Variants in DENND1A observed in about 807,000 individuals in gnomAD.
DENND1A encodes the protein DENN domain-containing protein 1A.
Under a neutral mutation model 113.7 loss-of-function variants are expected in DENND1A, and 51 were observed. The ratio of observed to expected loss-of-function variants is 0.45; its 90% CI spans 0.36 to 0.57. DENND1A has a LOEUF of 0.57. DENND1A is among the 20% of genes least tolerant of loss of function. The pLI is 0.00. For synonymous variants in DENND1A, 565 were observed against 570.8 expected (o/e 0.99, Z 0.14); for missense variants, 1,258 against 1,395.9 (o/e 0.90, Z 1.57).
At chr9:123,685,253 A>T (rs1381925562) in intron 5 of DENND1A, among the ~76,000 whole-genome samples, 2 of 152,198 alleles carry the variant, frequency 1.3e-5, no homozygotes, top group Non-Finnish European at 2.9e-5. Flanking sequence ...AGAGAAAAAC[A>T]CAATCCTCTT....
intron 13 of DENND1A, among the ~76,000 whole-genome samples, chr9:123,478,744 A>G (rs973645055): frequency 3.9e-5 from 6 of 152,234 alleles, no homozygotes; most frequent in Admixed American, 3.9e-4. Flanking sequence ...GCAGGTATTC[A>G]CCATAAAATT....
At chr9:123,481,254 G>A (rs969233738) in intron 13 of DENND1A, among the ~76,000 whole-genome samples, 2 of 152,236 alleles carry the variant, frequency 1.3e-5, no homozygotes, top group African/African-American at 2.4e-5. Context: ...GCTAAAATAT[G>A]CATGTGTGAG....
intron 4 of DENND1A, among the ~76,000 whole-genome samples, chr9:123,768,545 T>C (rs1396383207): frequency 2.0e-5 from 3 of 152,154 alleles, no homozygotes; most frequent in East Asian, 1.9e-4. Flanking sequence ...GACCATATTA[T>C]GGCATTTCTT....
At chr9:123,771,878 AG>A (rs570386188) in intron 3 of DENND1A, among the ~76,000 whole-genome samples, 400 of 151,816 alleles carry the variant, frequency 2.6e-3, no homozygotes, top group African/African-American at 9.4e-3. Context: ...GGGGGAGGGG[AG>A]GGGGAAAGGG....
At chr9:123,641,364 A>G in intron 9 of DENND1A, among the ~76,000 whole-genome samples, 1 of 151,432 alleles carries the variant, frequency 6.6e-6, no homozygotes, top group South Asian at 2.1e-4. Context: ...AATTTATTTC[A>G]TGACTTGACC....
chr9:123,660,250 T>C (rs2063163871), intron 8 of DENND1A, among the ~76,000 whole-genome samples: 3 of 152,300 alleles, frequency 2.0e-5, no homozygotes, highest in African/African-American at 4.8e-5. Context: ...GTCTGGCAGA[T>C]TGGTATCACC....
intron 2 of DENND1A, among the ~76,000 whole-genome samples, chr9:123,813,093 G>A (rs1266029509): frequency 2.0e-5 from 3 of 152,042 alleles, no homozygotes; most frequent in Non-Finnish European, 4.4e-5. Context: ...GGGACCACAG[G>A]CGCACACCAC....
chr9:123,388,212 G>C (rs1459539531), intron 21 of DENND1A, among the ~76,000 whole-genome samples: 2 of 152,230 alleles, frequency 1.3e-5, no homozygotes, highest in African/African-American at 4.8e-5. Flanking sequence ...AGCTGGTGCA[G>C]TGGCTGAATC....
chr9:123,594,267 G>C (rs760239808), intron 11 of DENND1A, among the ~76,000 whole-genome samples: 8 of 152,030 alleles, frequency 5.3e-5, no homozygotes, highest in Non-Finnish European at 1.0e-4. Flanking sequence ...TCATCTTACT[G>C]ACACACACAA....
chr9:123,627,622 C>T (rs867613148), intron 10 of DENND1A, among the ~76,000 whole-genome samples: 2 of 151,922 alleles, frequency 1.3e-5, no homozygotes, highest in Non-Finnish European at 2.9e-5. Flanking sequence ...CGCCTGTAAT[C>T]CCAGCTACTC....
intron 2 of DENND1A, among the ~76,000 whole-genome samples, chr9:123,851,734 C>A (rs1244028707): frequency 1.3e-5 from 2 of 152,146 alleles, no homozygotes; most frequent in African/African-American, 4.8e-5. Context: ...CACAGGACAA[C>A]AAAGGAGTTT....
chr9:123,392,211 A>C (rs866671137), intron 21 of DENND1A, among the ~76,000 whole-genome samples: 2 of 152,272 alleles, frequency 1.3e-5, no homozygotes, highest in Middle Eastern at 3.4e-3. Flanking sequence ...CTTATTTTTT[A>C]ATGAGGAAGA....
chr9:123,458,982 C>T (rs575501118), intron 13 of DENND1A, among the ~76,000 whole-genome samples: 1 of 151,634 alleles, frequency 6.6e-6, no homozygotes, highest in South Asian at 2.1e-4. Flanking sequence ...AACAAACAAA[C>T]AAAAAAACAA....
intron 19 of DENND1A, among the ~76,000 whole-genome samples, chr9:123,412,223 A>C (rs529526696): frequency 6.6e-6 from 1 of 151,976 alleles, no homozygotes; most frequent in African/African-American, 2.4e-5. Flanking sequence ...CCGGGACTCC[A>C]CTGTGCCCCA....
intron 1 of DENND1A, among the ~76,000 whole-genome samples, chr9:123,885,115 A>C (rs1331768207): frequency 6.6e-6 from 1 of 151,928 alleles, no homozygotes; most frequent in Non-Finnish European, 1.5e-5. Context: ...GCTCCCAAGC[A>C]CCCTGTACTT....
At chr9:123,899,125 C>G (rs1851209459) in intron 1 of DENND1A, among the ~76,000 whole-genome samples, 1 of 152,196 alleles carries the variant, frequency 6.6e-6, no homozygotes, top group Admixed American at 6.5e-5. Context: ...ATTTCCAAAT[C>G]TCTACACTAT....
chr9:123,630,414 G>T lies in DENND1A; in HGVS notation c.681C>A (p.Tyr227Ter), dbSNP rs1212092300. 6.2e-7 allele frequency: 1 copy of T among 1,604,642 alleles called. No individual in the cohort carries two copies. The highest frequency in any genetic ancestry group is 1.1e-5 in the South Asian group (1 of 89,808). ...MLYPMYWQHV[Y>*]IPVLPPHLLD... The stretch of plus-strand genomic sequence containing the variant: ...GCAGATGCGGCGGCAGCACGGGGAT[G>T]TACACGTGCTGCCAGTACATGGGGT... Residue 227 changes from tyrosine to a stop codon, truncating the protein, a stop_gained, in exon 10 of 24, where the codon TAC becomes TAA. Coordinates refer to ENST00000394215, the MANE Select transcript of DENND1A (RefSeq NM_001352964.2). LOFTEE classifies it high-confidence loss of function.
chr9:123,833,805 A>G (rs1840651562), intron 2 of DENND1A, among the ~76,000 whole-genome samples: 1 of 152,194 alleles, frequency 6.6e-6, no homozygotes, highest in African/African-American at 2.4e-5. Flanking sequence ...TCATGACTGT[A>G]ATCCCAGCAC....
At chr9:123,417,132 C>T (rs2044796440) in intron 19 of DENND1A, among the ~76,000 whole-genome samples, 1 of 152,206 alleles carries the variant, frequency 6.6e-6, no homozygotes, top group Non-Finnish European at 1.5e-5. Context: ...TCCCAGGTTA[C>T]AAGCATCGGT....
Sources: gnomAD v4.1 joint callset for allele counts (sites outside exome capture counted in the v4.1 genomes callset) on GRCh38, gnomAD v4.1.1 for gene constraint, MANE v1.5 for transcripts, NCBI Gene and HGNC (gene_info 2026-07-23, HGNC 2026-07-21) for gene names.